EPB41: variants seen among roughly 807,000 people sequenced by gnomAD.
EPB41 encodes erythrocyte membrane protein band 4.1, also known as protein 4.1.
EPB41 carries 65 observed loss-of-function variants against 108.0 expected under a neutral mutation model. The observed-to-expected ratio is 0.60, with a 90% CI of 0.49 to 0.74. The LOEUF is 0.74. EPB41 is among the 30% of genes least tolerant of loss of function. The probability of loss-of-function intolerance (pLI) is 0.00; values close to 1 mark genes in which losing one functional copy is unlikely to be tolerated. For missense variants in EPB41, 875 were observed against 1,037.0 expected (o/e 0.84, Z 2.15); for synonymous variants, 336 against 358.9 (o/e 0.94, Z 0.72).
chr1:28,919,355 T>G (rs1332206386), intron 1 of EPB41, among the ~76,000 whole-genome samples: 2 of 152,196 alleles, frequency 1.3e-5, no homozygotes, highest in Non-Finnish European at 1.5e-5. Context: ...TTCGTCAGCT[T>G]CCCACTAAGT....
Position 28,915,203 on chromosome 1 carries a change from A to G in EPB41, c.-8+435A>G, listed in dbSNP as rs150166928. ...CTGGCGAGGGAGCTGGGCTGTCTGCAGAAGTCAGGCGGAATCTGAGGACTG... is the reference window on the plus strand; with the variant it reads ...CTGGCGAGGGAGCTGGGCTGTCTGCGGAAGTCAGGCGGAATCTGAGGACTG... On this transcript the variant is annotated intron_variant, in intron 1 of 20. Transcript: ENST00000343067. 3.2e-3 allele frequency among the ~76,000 whole-genome samples: 493 copies of G among 152,310 alleles called. 2 individuals carry two copies. Among genetic ancestry groups the G allele is most frequent in the African/African-American group, 0.011 (471 of 41,576 alleles).
chr1:29,056,515 G>A (rs1252805488), intron 12 of EPB41, among the ~76,000 whole-genome samples: 1 of 151,974 alleles, frequency 6.6e-6, no homozygotes, highest in Non-Finnish European at 1.5e-5. Context: ...CAGAACTACT[G>A]TTGCTACTTG....
At chr1:29,052,439 A>G (rs1644687307) in intron 11 of EPB41, among the ~76,000 whole-genome samples, 1 of 152,224 alleles carries the variant, frequency 6.6e-6, no homozygotes, top group Admixed American at 6.5e-5. Context: ...GACAGAACTC[A>G]AAAGATATTT....
At chr1:29,086,940 CTTTTTTTT>C (rs386366593) in intron 16 of EPB41, among the ~76,000 whole-genome samples, 16 of 98,562 alleles carry the variant, frequency 1.6e-4, no homozygotes, top group African/African-American at 6.4e-4. Flanking sequence ...AACTGTGGTT[CTTTTTTTT>C]TTTTTTTTTT....
intron 16 of EPB41, chr1:29,070,907 C>A: frequency 7.1e-6 from 2 of 280,866 alleles, no homozygotes; most frequent in Non-Finnish European, 1.3e-5. Context: ...AGCTTTAACT[C>A]TTTTATCCTG....
Sources: allele counts gnomAD v4.1 joint callset (sites outside exome capture counted in the v4.1 genomes callset), GRCh38; gene constraint gnomAD v4.1.1; transcripts MANE v1.5; gene names NCBI Gene and HGNC (gene_info 2026-07-23, HGNC 2026-07-21).